MKLN1: variants seen among roughly 807,000 people sequenced by gnomAD.
MKLN1 encodes muskelin 1, also known as muskelin.
In MKLN1, 18 loss-of-function variants were observed where a neutral mutation model predicts 99.0. The observed-to-expected ratio is 0.18, with a 90% CI of 0.13 to 0.27. The LOEUF is 0.27. Among genes scored for constraint, MKLN1 ranks in the 10% least tolerant of loss-of-function variants. The pLI is 1.00. For synonymous variants in MKLN1, 288 were observed against 293.2 expected, an observed-to-expected ratio of 0.98 and a Z score of 0.18; for missense variants, 621 against 875.9, an observed-to-expected ratio of 0.71 and a Z score of 3.67.
At chr7:131,255,988 C>T (rs1797652723) in intron 3 of MKLN1, among the ~76,000 whole-genome samples, 2 of 151,796 alleles carry the variant, frequency 1.3e-5, no homozygotes, top group Admixed American at 1.3e-4. Context: ...TCACTGCAAC[C>T]TTCACCTCCT....
In MKLN1 at chr7:131,393,611, T is replaced by TTTTTG. The variant is rs151210709; in HGVS notation, c.401-3631_401-3627dup. Among the ~76,000 whole-genome samples, 52 of 151,886 alleles carry TTTTTG rather than the reference T, an allele frequency of 3.4e-4. 1 individual carries two copies. Among genetic ancestry groups the TTTTTG allele is most frequent in the East Asian group, 1.7e-3 (9 of 5,172 alleles). ...ATTTCACTGCAAGTGTTTTAAAAGGTTTTTGTTTTGTTTTGTTTTGTTTTG... is the reference window on the plus strand; with the variant it reads ...ATTTCACTGCAAGTGTTTTAAAAGGTTTTTGTTTTGTTTTGTTTTGTTTTGTTTTG... On this transcript the variant is annotated intron_variant, in intron 4 of 17. Transcript: ENST00000352689.
intron 2 of MKLN1, among the ~76,000 whole-genome samples, chr7:131,179,304 T>C (rs546963310): frequency 1.1e-4 from 17 of 152,332 alleles, no homozygotes; most frequent in African/African-American, 4.1e-4. Context: ...CCTGTCTTGA[T>C]GGAGGTGCTG....
intron 16 of MKLN1, 122 bp from the exon 17 acceptor site, chr7:131,478,501 C>T: frequency 1.0e-6 from 1 of 963,056 alleles, no homozygotes; most frequent in Non-Finnish European, 1.4e-6. Flanking sequence ...AGACCTATGT[C>T]ACACATATGC....
intron 1 of MKLN1, among the ~76,000 whole-genome samples, chr7:131,110,920 T>C (rs1795186244): frequency 6.6e-6 from 1 of 152,232 alleles, no homozygotes. Context: ...GTGAGAAGAC[T>C]GCCTGAAACT....
In MKLN1 at chr7:131,117,435, A is replaced by AAACAAC. The variant is rs35789698; in HGVS notation, c.-419+7249_-419+7254dup. Among the ~76,000 whole-genome samples the AAACAAC allele has an allele frequency of 5.9e-3, 876 of 148,984 alleles. 6 individuals carry two copies. The highest frequency in any genetic ancestry group is 0.013 in the African/African-American group (518 of 40,466). ...ACAGACCGAGACTCCATCTCAGGAA[A>AAACAAC]AACAACAACAACAACAACAACAACA... is the stretch of plus-strand genomic sequence containing the variant. On this transcript the variant is annotated intron_variant, in intron 1 of 7. Transcript: ENST00000416992.
chr7:131,277,080 T>G (rs1797985341), intron 3 of MKLN1, among the ~76,000 whole-genome samples: 1 of 152,190 alleles, frequency 6.6e-6, no homozygotes, highest in Non-Finnish European at 1.5e-5. Context: ...ACTAAATTCT[T>G]GTACAAGTAT....
rs1177051486 is a variant in MKLN1 at position 131,235,285 on chromosome 7, C to T, written c.-179+32311C>T. On this transcript the variant is annotated intron_variant, in intron 3 of 7. Coordinates refer to the MKLN1 transcript ENST00000416992. The stretch of plus-strand genomic sequence containing the variant: ...GTGAGTGAGCCTGAAGACAAGAAGA[C>T]ACACACACACTGTGTGTGTGTGTGT... Among the ~76,000 whole-genome samples the T allele has an allele frequency of 1.1e-3, 168 of 151,238 alleles. 1 individual carries two copies. The highest frequency in any genetic ancestry group is 1.2e-4 in the Non-Finnish European group (8 of 67,870).
At chr7:131,209,613 C>T (rs918428119) in intron 3 of MKLN1, among the ~76,000 whole-genome samples, 1 of 152,124 alleles carries the variant, frequency 6.6e-6, no homozygotes, top group African/African-American at 2.4e-5. Flanking sequence ...CTGATAAATC[C>T]CTCCCAAATA....
intron 2 of MKLN1, among the ~76,000 whole-genome samples, chr7:131,169,388 G>C (rs955902772): frequency 6.6e-6 from 1 of 152,154 alleles, no homozygotes; most frequent in African/African-American, 2.4e-5. Flanking sequence ...CATTGCTTCA[G>C]ATTTTTTCTG....
chr7:131,365,449 A>T (rs1800151877), intron 1 of MKLN1, among the ~76,000 whole-genome samples: 1 of 152,170 alleles, frequency 6.6e-6, no homozygotes, highest in South Asian at 2.1e-4. Flanking sequence ...TCTTAAGTTT[A>T]ATTAGATCCC....
intron 3 of MKLN1, among the ~76,000 whole-genome samples, chr7:131,286,913 C>T (rs887405962): frequency 6.6e-6 from 1 of 152,108 alleles, no homozygotes; most frequent in African/African-American, 2.4e-5. Context: ...TGAGACCAGC[C>T]TGGGAAACAT....
At chr7:131,301,346 A>G (rs538753290) in intron 3 of MKLN1, among the ~76,000 whole-genome samples, 34 of 152,342 alleles carry the variant, frequency 2.2e-4, no homozygotes, top group Middle Eastern at 6.8e-3. Flanking sequence ...CCTTTGTGCT[A>G]TACATGTAGT....
intron 2 of MKLN1, among the ~76,000 whole-genome samples, chr7:131,182,026 C>T (rs1178518955): frequency 2.0e-5 from 3 of 151,932 alleles, no homozygotes; most frequent in Admixed American, 1.3e-4. Flanking sequence ...TCCAGTTACC[C>T]GGGAAGCTGA....
At chr7:131,474,870 C>G (rs1452717970) in intron 16 of MKLN1, among the ~76,000 whole-genome samples, 1 of 152,160 alleles carries the variant, frequency 6.6e-6, no homozygotes, top group Non-Finnish European at 1.5e-5. Flanking sequence ...GGAAGCATGA[C>G]TGGGAGTCCT....
intron 3 of MKLN1, among the ~76,000 whole-genome samples, chr7:131,285,419 A>T (rs1798117241): frequency 6.6e-6 from 1 of 152,242 alleles, no homozygotes; most frequent in Non-Finnish European, 1.5e-5. Flanking sequence ...TTCACAGGAT[A>T]GCCTAACCCA....
At chr7:131,170,921 T>G (rs1370660310) in intron 2 of MKLN1, among the ~76,000 whole-genome samples, 1 of 152,196 alleles carries the variant, frequency 6.6e-6, no homozygotes, top group Admixed American at 6.5e-5. Flanking sequence ...GATCAGGAAA[T>G]GGGAAACCTA....
In MKLN1 at chr7:131,478,532, A is replaced by G. The variant is rs574985047; in HGVS notation, c.2032-91A>G. 1.1e-5 allele frequency: 15 copies of G among 1,312,614 alleles called. No individual in the cohort carries two copies. The South Asian group carries it at 2.3e-4, about 20-fold the overall frequency. 81.3% of individuals were successfully genotyped at this position (1,312,614 alleles called of 1,614,324 possible). On this transcript the variant is annotated intron_variant, in intron 16 of 17. Coordinates refer to ENST00000352689, the MANE Select transcript of MKLN1 (RefSeq NM_013255.5). ...TATGCAGAAATACGTAGTTGCTGAT[A>G]AATGGTCAAAGTTATAGAAGGCTAT...
chr7:131,328,280 T>G, intron 1 of MKLN1: 1 of 408,498 alleles, frequency 2.4e-6, no homozygotes. Flanking sequence ...CGCTTGGGAT[T>G]TGGGGGTTGA....
chr7:131,469,132 G>A (rs1422983822), intron 15 of MKLN1, among the ~76,000 whole-genome samples: 2 of 151,994 alleles, frequency 1.3e-5, no homozygotes, highest in Non-Finnish European at 2.9e-5. Flanking sequence ...GGCCTAGATA[G>A]ATAGATAGAT....
Sources: gnomAD v4.1 joint callset for allele counts (sites outside exome capture counted in the v4.1 genomes callset) on GRCh38, gnomAD v4.1.1 for gene constraint, MANE v1.5 for transcripts, NCBI Gene and HGNC (gene_info 2026-07-23, HGNC 2026-07-21) for gene names.